PLXDC2: variants seen among roughly 807,000 people sequenced by gnomAD.
PLXDC2 encodes the protein plexin domain containing 2.
PLXDC2 carries 40 observed loss-of-function variants against 68.9 expected under a neutral mutation model. The ratio of observed to expected loss-of-function variants is 0.58; its 90% CI spans 0.45 to 0.76. The LOEUF (loss-of-function observed/expected upper bound fraction) is 0.76. PLXDC2 is among the 30% of genes least tolerant of loss of function. The probability of loss-of-function intolerance (pLI) is 0.00; values close to 1 mark genes in which losing one functional copy is unlikely to be tolerated. For missense variants in PLXDC2, 644 were observed against 661.9 expected (o/e 0.97, Z 0.30); for synonymous variants, 243 against 234.2 (o/e 1.04, Z -0.34).
chr10:20,085,627 T>C (rs1157373222), intron 4 of PLXDC2, among the ~76,000 whole-genome samples: 1 of 152,160 alleles, frequency 6.6e-6, no homozygotes, highest in Admixed American at 6.5e-5. Flanking sequence ...TGGGGAGACA[T>C]GGGAAAGTGA....
chr10:20,133,013 A>G (rs1034522400), intron 4 of PLXDC2, among the ~76,000 whole-genome samples: 3 of 152,122 alleles, frequency 2.0e-5, no homozygotes, highest in Admixed American at 6.5e-5. Context: ...CGTGGTTACC[A>G]CTAAGCTTAC....
In PLXDC2 at chr10:20,277,670, A is replaced by G. The variant is rs192632431; in HGVS notation, c.1474-2033A>G. ...TTACTCTTTGCTTGGCGTTGTTATG[A>G]CTAAGACTGAGATGTGAAGGGATTA... On this transcript the variant is annotated intron_variant, in intron 13 of 13. Coordinates refer to ENST00000377252, the MANE Select transcript of PLXDC2 (RefSeq NM_032812.9). 3.9e-5 allele frequency among the ~76,000 whole-genome samples: 6 copies of G among 152,340 alleles called. No individual in the cohort carries two copies. In the South Asian group the frequency reaches 8.3e-4, roughly 21 times the overall value.
rs777849258 is a variant in PLXDC2, at chr10:20,177,423, A to T, written c.1061+14A>T. 8.3e-7 allele frequency: 1 copy of T among 1,211,994 alleles called. No individual in the cohort carries two copies. The highest frequency in any genetic ancestry group is 2.6e-5 in the Admixed American group (1 of 38,998). 75.1% of individuals were successfully genotyped at this position (1,211,994 alleles called of 1,614,324 possible). ...TAAACTTCAAAGGTAAAAATATAAT[A>T]ATAAGAATAATAATAAAATTTAAAA... On this transcript the variant is annotated intron_variant, in intron 9 of 13. Coordinates refer to ENST00000377252, the MANE Select transcript of PLXDC2 (RefSeq NM_032812.9).
In PLXDC2 at chr10:20,225,271, G is replaced by C. The variant is rs146580063; in HGVS notation, c.1312+6169G>C. ...TTTTATTACCAAGTCTGTAGTGATA[G>C]ATCAAGTGTCTAGTCATTTGTCATT... On this transcript the variant is annotated intron_variant, in intron 12 of 13. Transcript: ENST00000377252. 7.0e-3 allele frequency among the ~76,000 whole-genome samples: 1,064 copies of C among 152,226 alleles called. 9 individuals carry two copies. Among genetic ancestry groups the C allele is most frequent in the Non-Finnish European group, 0.012 (792 of 68,008 alleles).
intron 1 of PLXDC2, among the ~76,000 whole-genome samples, chr10:19,872,186 T>A (rs1023686233): frequency 6.6e-6 from 1 of 152,110 alleles, no homozygotes; most frequent in Non-Finnish European, 1.5e-5. Flanking sequence ...GTCCAGGACA[T>A]GAACGAAGAC....
chr10:20,094,163 C>T (rs1833317677), intron 4 of PLXDC2, among the ~76,000 whole-genome samples: 1 of 152,198 alleles, frequency 6.6e-6, no homozygotes, highest in Non-Finnish European at 1.5e-5. Context: ...AAGCCTTCAT[C>T]TGTAGATGAA....
intron 1 of PLXDC2, among the ~76,000 whole-genome samples, chr10:19,886,462 T>G (rs532519470): frequency 6.6e-6 from 1 of 152,312 alleles, no homozygotes; most frequent in South Asian, 2.1e-4. Flanking sequence ...GATGCAAAGC[T>G]GATTCAATAT....
chr10:20,284,407 A>ATGTGTGTG lies in PLXDC2; in HGVS notation c.*4614_*4621dup, dbSNP rs570410455. ...ATATTTGATAGAGATGATAGCAATT[A>ATGTGTGTG]TGTGTGTGTGTGTGTGTGTGTGTGT... is the stretch of plus-strand genomic sequence containing the variant. On this transcript the variant is annotated 3_prime_UTR_variant, in exon 14 of 14. Transcript: ENST00000377252. 0.049 allele frequency: 6,607 copies of ATGTGTGTG among 135,776 alleles called. 425 individuals carry two copies. Among genetic ancestry groups the ATGTGTGTG allele is most frequent in the East Asian group, 0.22 (960 of 4,374 alleles). 8.4% of individuals were successfully genotyped at this position (135,776 alleles called of 1,614,324 possible).
chr10:19,938,456 A>G (rs937892827), intron 1 of PLXDC2, among the ~76,000 whole-genome samples: 4 of 152,132 alleles, frequency 2.6e-5, no homozygotes, highest in Non-Finnish European at 4.4e-5. Flanking sequence ...TGATGGTGGA[A>G]GGCAAAGTGG....
intron 1 of PLXDC2, among the ~76,000 whole-genome samples, chr10:19,966,693 C>A (rs924118594): frequency 6.6e-6 from 1 of 152,092 alleles, no homozygotes; most frequent in Non-Finnish European, 1.5e-5. Flanking sequence ...CTTAATACCA[C>A]TGAACATTAA....
At chr10:20,072,064 T>G (rs941314975) in intron 4 of PLXDC2, among the ~76,000 whole-genome samples, 3 of 151,970 alleles carry the variant, frequency 2.0e-5, no homozygotes, top group African/African-American at 7.3e-5. Context: ...GTTAGAAATC[T>G]TGCCGGTCAT....
intron 4 of PLXDC2, among the ~76,000 whole-genome samples, chr10:20,080,740 A>G (rs1836539571): frequency 6.6e-6 from 1 of 152,184 alleles, no homozygotes; most frequent in Non-Finnish European, 1.5e-5. Flanking sequence ...ACAGCCAGGA[A>G]CAATACTTTG....
At chr10:20,095,982 A>C (rs751923803) in intron 4 of PLXDC2, among the ~76,000 whole-genome samples, 1 of 152,184 alleles carries the variant, frequency 6.6e-6, no homozygotes, top group Non-Finnish European at 1.5e-5. Context: ...ATGTTCATTG[A>C]AATTCATGAG....
rs1332908402 is a variant in PLXDC2 at position 20,030,076 on chromosome 10, A to G, written c.325-16793A>G. ...TTAGAGATTATTTGAAAAAAAATGGATGCTACTTAAGAGTATTATGAAATA... is the reference window on the plus strand; with the variant it reads ...TTAGAGATTATTTGAAAAAAAATGGGTGCTACTTAAGAGTATTATGAAATA... On this transcript the variant is annotated intron_variant, in intron 2 of 13. Coordinates refer to ENST00000377252, the MANE Select transcript of PLXDC2 (RefSeq NM_032812.9). Among the ~76,000 whole-genome samples the G allele has an allele frequency of 2.0e-5, 3 of 152,320 alleles. No homozygotes were observed. In the East Asian group the frequency reaches 5.8e-4, roughly 29 times the overall value.
intron 6 of PLXDC2, among the ~76,000 whole-genome samples, chr10:20,150,558 A>G (rs1178315898): frequency 6.6e-6 from 1 of 152,176 alleles, no homozygotes; most frequent in Non-Finnish European, 1.5e-5. Flanking sequence ...ATTCATTTCT[A>G]GTTTTCATTG....
At chr10:20,137,602 T>A (rs1395138692) in intron 4 of PLXDC2, among the ~76,000 whole-genome samples, 2 of 152,242 alleles carry the variant, frequency 1.3e-5, no homozygotes, top group African/African-American at 4.8e-5. Flanking sequence ...GCTGGAATTT[T>A]CGCACAGACA....
intron 9 of PLXDC2, among the ~76,000 whole-genome samples, chr10:20,194,667 G>A (rs1834813834): frequency 6.6e-6 from 1 of 151,562 alleles, no homozygotes; most frequent in Admixed American, 6.6e-5. Context: ...TTAAGTTCTA[G>A]GGTACATGTG....
At position 20,287,997 on chromosome 10, in the gene PLXDC2, C is replaced by T. The variant is rs1362385378; in HGVS notation, c.*8178C>T. The T allele has an allele frequency of 1.1e-4, 7 of 65,868 alleles. No homozygotes were observed. The highest frequency in any genetic ancestry group is 3.3e-4 in the African/African-American group (5 of 15,372). 4.1% of individuals were successfully genotyped at this position (65,868 alleles called of 1,614,324 possible). On this transcript the variant is annotated 3_prime_UTR_variant, in exon 14 of 14. Coordinates refer to ENST00000377252, the MANE Select transcript of PLXDC2 (RefSeq NM_032812.9). ...CTTGCGGCGGGGGAGGGGGGGGGGG[C>T]GGTGGCTTTCCAGATTTTATGCCAG...
intron 1 of PLXDC2, among the ~76,000 whole-genome samples, chr10:19,860,385 A>G (rs1038404509): frequency 7.9e-5 from 12 of 152,224 alleles, no homozygotes; most frequent in African/African-American, 2.9e-4. Flanking sequence ...CATAGGGTCC[A>G]ATATTGTGCC....
Sources: gnomAD v4.1 joint callset for allele counts (sites outside exome capture counted in the v4.1 genomes callset) on GRCh38, gnomAD v4.1.1 for gene constraint, MANE v1.5 for transcripts, NCBI Gene and HGNC (gene_info 2026-07-23, HGNC 2026-07-21) for gene names.